CPAMD8: variants seen among roughly 807,000 people sequenced by gnomAD.
CPAMD8 encodes the protein C3 and PZP like alpha-2-macroglobulin domain containing 8, also known as C3 and PZP-like alpha-2-macroglobulin domain-containing protein 8.
In CPAMD8, 146 loss-of-function variants were observed where a neutral mutation model predicts 224.7. That is an observed-to-expected ratio of 0.65 (90% confidence interval 0.57 to 0.75). The LOEUF is 0.75. Ranked by LOEUF, CPAMD8 falls within the 30% of genes least tolerant of loss-of-function variation. The probability of loss-of-function intolerance (pLI) is 0.00; values close to 1 mark genes in which losing one functional copy is unlikely to be tolerated. For synonymous variants in CPAMD8, 966 were observed against 1,044.6 expected, an observed-to-expected ratio of 0.92 and a Z score of 1.45; for missense variants, 2,301 against 2,537.5, an observed-to-expected ratio of 0.91 and a Z score of 2.00.
intron 13 of CPAMD8, among the ~76,000 whole-genome samples, chr19:16,985,370 AGATAAATAGGTAAGTGTAG>A (rs2055681455): frequency 1.4e-5 from 1 of 71,166 alleles, no homozygotes; most frequent in Admixed American, 1.2e-4. Flanking sequence ...GATGGAGGGT[AGATAAATAGGTAAGTGTAG>A]TGGGTGGATG....
rs369107906 is a variant in CPAMD8, at chr19:16,976,160, A to G, written c.1759-9T>C. On this transcript the variant is annotated splice_polypyrimidine_tract_variant and intron_variant, in intron 15 of 41. Transcript: ENST00000443236. ...GAATACGTCACTGAAACCTTGGCGC[A>G]AATGCAGCAAGGGATAAGAAACTTG... 6.2e-7 allele frequency: 1 copy of G among 1,608,206 alleles called. No homozygotes were observed. Among genetic ancestry groups the G allele is most frequent in the Non-Finnish European group, 8.5e-7 (1 of 1,176,790 alleles).
intron 23 of CPAMD8, among the ~76,000 whole-genome samples, chr19:16,936,225 G>C (rs150149623): frequency 1.5e-3 from 222 of 152,236 alleles, no homozygotes; most frequent in African/African-American, 4.7e-3. Flanking sequence ...ACTGCGCCCA[G>C]CTCTATTTTT....
At chr19:16,894,830 C>T (rs747289269) in intron 41 of CPAMD8, 72 of 251,966 alleles carry the variant, frequency 2.9e-4, no homozygotes, top group Non-Finnish European at 4.5e-4. Flanking sequence ...TCACTTGAGC[C>T]CAGGAATTTG....
rs2056031435 is a variant in CPAMD8 at position 16,993,590 on chromosome 19, G to C, written c.1096-4C>G. The C allele has an allele frequency of 6.2e-7, 1 of 1,613,234 alleles. No individual in the cohort carries two copies. Among genetic ancestry groups the C allele is most frequent in the East Asian group, 2.2e-5 (1 of 44,874 alleles). ...CATCGGGGTAGGATAGCTCCACCTA[G>C]AAAAGGTCACCCAAGACACAACAGA... On this transcript the variant is annotated splice_region_variant and splice_polypyrimidine_tract_variant and intron_variant, in intron 11 of 41. Coordinates refer to ENST00000443236, the MANE Select transcript of CPAMD8 (RefSeq NM_015692.5).
intron 23 of CPAMD8, among the ~76,000 whole-genome samples, chr19:16,931,269 A>C (rs1411563919): frequency 1.3e-5 from 2 of 152,080 alleles, no homozygotes; most frequent in Admixed American, 6.5e-5. Flanking sequence ...CTGTCCCCGC[A>C]AGTGCCTGAG....
intron 27 of CPAMD8, among the ~76,000 whole-genome samples, chr19:16,918,723 C>G (rs1481965383): frequency 2.0e-5 from 3 of 149,080 alleles, no homozygotes; most frequent in Non-Finnish European, 4.4e-5. Context: ...GCAGGGATGA[C>G]AGGCACGTGC....
chr19:16,992,208 CCT>C (rs2055978422), intron 12 of CPAMD8, among the ~76,000 whole-genome samples: 1 of 152,142 alleles, frequency 6.6e-6, no homozygotes, highest in Admixed American at 6.6e-5. Flanking sequence ...AGTTTGGAGA[CCT>C]CTCTGTCCTC....
At chr19:16,935,578 T>C (rs2053659420) in intron 23 of CPAMD8, among the ~76,000 whole-genome samples, 1 of 152,240 alleles carries the variant, frequency 6.6e-6, no homozygotes, top group Admixed American at 6.5e-5. Flanking sequence ...TATGTATCAA[T>C]AGTTTGTCCT....
chr19:17,019,554 A>T (rs528630717), intron 3 of CPAMD8, among the ~76,000 whole-genome samples: 6 of 148,468 alleles, frequency 4.0e-5, no homozygotes, highest in African/African-American at 7.4e-5. Context: ...TCTAAATTTC[A>T]TTATTCTCTC....
Position 16,906,395 on chromosome 19 carries a change from T to TTTCC in CPAMD8, c.4027+556_4027+557insGGAA, listed in dbSNP as rs1192719996. Among the ~76,000 whole-genome samples the TTTCC allele has an allele frequency of 1.0e-4, 8 of 80,208 alleles. No homozygotes were observed. In the East Asian group the frequency reaches 2.1e-3, roughly 21 times the overall value. 52.6% of individuals were successfully genotyped at this position (80,208 alleles called of 152,430 possible). On this transcript the variant is annotated intron_variant, in intron 30 of 41. Coordinates refer to ENST00000443236, the MANE Select transcript of CPAMD8 (RefSeq NM_015692.5). ...CTTTCTTTCTTTCTTTCTTTCTTTC[T>TTTCC]TTCTTTCTTTCTTTCCTTCCTTCCT...
At chr19:16,930,117 T>TG (rs1185139047) in intron 23 of CPAMD8, among the ~76,000 whole-genome samples, 6 of 151,758 alleles carry the variant, frequency 4.0e-5, no homozygotes, top group Non-Finnish European at 8.8e-5. Context: ...TAGTCGGGCG[T>TG]GGGGGTAGGT....
chr19:16,998,715 C>A (rs1312186811), intron 10 of CPAMD8, among the ~76,000 whole-genome samples: 3 of 152,064 alleles, frequency 2.0e-5, no homozygotes, highest in South Asian at 2.1e-4. Flanking sequence ...AAAAAGGTTA[C>A]AAAACTTTAA....
chr19:16,958,491 T>C (rs889275431), intron 18 of CPAMD8, among the ~76,000 whole-genome samples: 1 of 152,274 alleles, frequency 6.6e-6, no homozygotes, highest in Non-Finnish European at 1.5e-5. Flanking sequence ...ATGGTATTTC[T>C]GTACCACATT....
chr19:16,927,613 G>A (rs2053409967), intron 25 of CPAMD8, among the ~76,000 whole-genome samples: 2 of 152,060 alleles, frequency 1.3e-5, no homozygotes, highest in Admixed American at 6.6e-5. Context: ...CCTCCATCCT[G>A]CACCGCATAT....
At chr19:17,022,453 C>T (rs2056984554) in intron 1 of CPAMD8, among the ~76,000 whole-genome samples, 1 of 152,082 alleles carries the variant, frequency 6.6e-6, no homozygotes, top group Non-Finnish European at 1.5e-5. Flanking sequence ...CTATTCCGGC[C>T]TCCAGCCTGT....
intron 27 of CPAMD8, among the ~76,000 whole-genome samples, chr19:16,921,061 G>T (rs1235450305): frequency 1.3e-5 from 2 of 152,016 alleles, no homozygotes; most frequent in Non-Finnish European, 2.9e-5. Context: ...GCAGGGCCCT[G>T]GGACTAGAGC....
chr19:16,980,417 C>T, intron 14 of CPAMD8, 80 bp downstream of exon 14: 1 of 1,396,222 alleles, frequency 7.2e-7, no homozygotes, highest in South Asian at 1.3e-5. Flanking sequence ...CTTGCCTTGT[C>T]CCTCCTTGCA....
intron 30 of CPAMD8, 91 bp from the exon 31 acceptor site, chr19:16,904,643 A>C: frequency 1.1e-6 from 1 of 886,306 alleles, no homozygotes; most frequent in Middle Eastern, 2.5e-4. Flanking sequence ...GTCTAAAGAA[A>C]AGGTATTGTG....
intron 18 of CPAMD8, among the ~76,000 whole-genome samples, chr19:16,960,474 TA>T (rs534314915): frequency 7.0e-4 from 106 of 151,502 alleles, no homozygotes; most frequent in African/African-American, 2.5e-3. Flanking sequence ...AAGAGTGAGG[TA>T]AACATGCATT....
Sources: gnomAD v4.1 joint callset for allele counts (sites outside exome capture counted in the v4.1 genomes callset) on GRCh38, gnomAD v4.1.1 for gene constraint, MANE v1.5 for transcripts, NCBI Gene and HGNC (gene_info 2026-07-23, HGNC 2026-07-21) for gene names.